Variants in TGM5 observed in about 807,000 individuals in gnomAD.
TGM5 encodes the protein transglutaminase 5.
A neutral mutation model predicts 77.2 loss-of-function variants in TGM5; 69 were observed. The ratio of observed to expected loss-of-function variants is 0.89; its 90% CI spans 0.74 to 1.09. TGM5 has a LOEUF of 1.09. Ranked by LOEUF, TGM5 falls within the 50% of genes least tolerant of loss-of-function variation. The pLI, the probability that TGM5 is intolerant of heterozygous loss-of-function variation, is 0.00. For synonymous variants in TGM5, 346 were observed against 351.8 expected (o/e 0.98, Z 0.18); for missense variants, 842 against 896.5 (o/e 0.94, Z 0.78).
intron 3 of TGM5, among the ~76,000 whole-genome samples, chr15:43,258,150 G>T (rs2042756135): frequency 6.6e-6 from 1 of 151,492 alleles, no homozygotes. Flanking sequence ...AATGGGTGCA[G>T]CACACCAACA....
chr15:43,234,718 C>T (rs780491286), intron 11 of TGM5, 51 bp downstream of exon 11: 4 of 1,612,866 alleles, frequency 2.5e-6, no homozygotes, highest in Middle Eastern at 1.7e-4. Flanking sequence ...TTCACCCCCT[C>T]CCCGCCAGAT....
chr15:43,242,022 C>T (rs1449560965), intron 6 of TGM5, among the ~76,000 whole-genome samples: 1 of 152,278 alleles, frequency 6.6e-6, no homozygotes, highest in East Asian at 1.9e-4. Context: ...AATGACAGTC[C>T]ACTCAATCTA....
chr15:43,263,678 A>G (rs2042805462), intron 1 of TGM5, among the ~76,000 whole-genome samples: 1 of 152,168 alleles, frequency 6.6e-6, no homozygotes, highest in Admixed American at 6.5e-5. Flanking sequence ...TGGATCAAAG[A>G]CCTAAACATA....
intron 1 of TGM5, 103 bp from the exon 2 acceptor site, chr15:43,260,682 G>T: frequency 1.6e-6 from 2 of 1,273,542 alleles, no homozygotes; most frequent in Non-Finnish European, 1.1e-6. Flanking sequence ...CTTAGCTTGA[G>T]CCTCAGTTTC....
At chr15:43,241,076 A>G (rs1181411018) in intron 6 of TGM5, 86 bp from the exon 7 acceptor site, 5 of 1,570,286 alleles carry the variant, frequency 3.2e-6, no homozygotes, top group Non-Finnish European at 4.4e-6. Context: ...GACCTGGGGA[A>G]ATCTTCCATT....
At chr15:43,254,539 C>T (rs2042730275) in intron 4 of TGM5, among the ~76,000 whole-genome samples, 2 of 152,296 alleles carry the variant, frequency 1.3e-5, no homozygotes, top group South Asian at 4.1e-4. Context: ...CAAAGGCCTC[C>T]TACAGCCTAG....
intron 3 of TGM5, among the ~76,000 whole-genome samples, chr15:43,257,942 G>C (rs571138773): frequency 6.6e-6 from 1 of 152,272 alleles, no homozygotes; most frequent in South Asian, 2.1e-4. Flanking sequence ...CATGGATGCA[G>C]CTGGAAACCA....
intron 6 of TGM5, chr15:43,241,246 C>A: frequency 1.9e-6 from 1 of 538,286 alleles, no homozygotes. Context: ...GTCTAGCAAG[C>A]TGTGAGCTCT....
chr15:43,235,680 G>A lies in TGM5; in HGVS notation c.1503C>T (p.Pro501=). The change falls in exon 10 of 13, where the codon CCC becomes CCT. Residue 501 remains proline (P), a synonymous_variant. Coordinates refer to ENST00000220420, the MANE Select transcript of TGM5 (RefSeq NM_201631.4). ...TCAGGGAGACTTGCACCACATCACT[G>A]GGTCGAAGGGAAGGTGTATGCAGGC... is the stretch of plus-strand genomic sequence containing the variant. ...PRSLHTPSLR[P]SDVVQVSLKF... 6.2e-7 allele frequency: 1 copy of A among 1,614,180 alleles called. No individual in the cohort carries two copies. The highest frequency in any genetic ancestry group is 8.5e-7 in the Non-Finnish European group (1 of 1,180,038).
rs772874758 is a variant in TGM5 at position 43,239,187 on chromosome 15, C to T, written c.1081G>A (p.Ala361Thr). 1.2e-5 allele frequency: 20 copies of T among 1,614,024 alleles called. No individual in the cohort carries two copies. The highest frequency in any genetic ancestry group is 4.5e-5 in the East Asian group (2 of 44,892). ...PAYGGWQVLD[A>T]TPQEMSNGVY... ...CCGTTGCTCATCTCCTGAGGTGTGG[C>T]GTCCAGCACCTGCCAGCCTCCATAT... The change falls in exon 8 of 13, where the codon GCC (alanine) becomes ACC (threonine). Residue 361 changes from alanine to threonine, a missense_variant. Transcript: ENST00000220420.
rs2042558055 is a variant in TGM5 at position 43,233,102 on chromosome 15, G to C, written c.*89C>G. ...CTTGCTGGAGCCCTGTGAAGCCTCT[G>C]TTGTGGTGGGGAATGGCGCAGCTTG... On this transcript the variant is annotated 3_prime_UTR_variant, in exon 13 of 13. Coordinates refer to ENST00000220420, the MANE Select transcript of TGM5 (RefSeq NM_201631.4). The C allele has an allele frequency of 1.3e-6, 2 of 1,531,802 alleles. No homozygotes were observed. The highest frequency in any genetic ancestry group is 1.4e-5 in the African/African-American group (1 of 73,230). The allele number at this position is 1,531,802 out of a possible 1,614,324, so 94.9% of individuals were successfully genotyped here. A position where few individuals can be genotyped will look rare whatever the true frequency, so the allele number is the denominator to read the frequency against.
At chr15:43,262,705 A>C (rs1596453071) in intron 1 of TGM5, among the ~76,000 whole-genome samples, 1 of 152,128 alleles carries the variant, frequency 6.6e-6, no homozygotes, top group African/African-American at 2.4e-5. Context: ...AATTGCTTGA[A>C]CCTGGGAGGT....
At chr15:43,263,670 G>A (rs2042805441) in intron 1 of TGM5, among the ~76,000 whole-genome samples, 1 of 151,906 alleles carries the variant, frequency 6.6e-6, no homozygotes, top group South Asian at 2.1e-4. Flanking sequence ...ACTCAAAATG[G>A]ATCAAAGACC....
chr15:43,238,755 C>A, intron 9 of TGM5, 62 bp downstream of exon 9: 1 of 1,598,944 alleles, frequency 6.3e-7, no homozygotes, highest in East Asian at 2.2e-5. Context: ...CTCTGGCTCC[C>A]TGGGGTAGGG....
Position 43,234,797 on chromosome 15 carries a change from GTGA to G in TGM5, c.1844_1846del (p.Ile615del), listed in dbSNP as rs764226693. ...AATCGTGATGCTTGGATAAGATAAG[GTGA>G]TGATCTTGTTCACCAGGATTTTCTC... On this transcript the variant is annotated inframe_deletion, in exon 11 of 13. Transcript: ENST00000220420. The G allele has an allele frequency of 2.9e-5, 47 of 1,614,116 alleles. No individual in the cohort carries two copies. Among genetic ancestry groups the G allele is most frequent in the Non-Finnish European group, 3.7e-5 (44 of 1,180,050 alleles).
rs75796979 is a variant in TGM5 at position 43,241,034 on chromosome 15, C to G, written c.863-44G>C. The G allele has an allele frequency of 1.1e-5, 17 of 1,613,654 alleles. No homozygotes were observed. The African/African-American group carries it at 2.3e-4, about 22-fold the overall frequency. On this transcript the variant is annotated intron_variant, in intron 6 of 12. Coordinates refer to ENST00000220420, the MANE Select transcript of TGM5 (RefSeq NM_201631.4). ...AAAATCACCTGTGAGCTGTAGATTC[C>G]GGACCCGTATATTCCTGGACTTTGG...
rs753612221 is a variant in TGM5, at chr15:43,233,718, G to T, written c.1876-31C>A. ...CAGACCAGGAGGGGAAGGAGAATTA[G>T]TTCTCATTCCCCAACTCACCAGATA... On this transcript the variant is annotated intron_variant, in intron 11 of 12. Coordinates refer to ENST00000220420, the MANE Select transcript of TGM5 (RefSeq NM_201631.4). 21 of 1,612,614 alleles carry T rather than the reference G, an allele frequency of 1.3e-5. No homozygotes were observed. The East Asian group carries it at 4.2e-4, about 33-fold the overall frequency.
chr15:43,245,995 C>T (rs568126023), intron 6 of TGM5, among the ~76,000 whole-genome samples: 30 of 151,976 alleles, frequency 2.0e-4, no homozygotes, highest in African/African-American at 7.0e-4. Context: ...CCTGGACCAA[C>T]AGAGAAAAGA....
chr15:43,250,209 C>A (rs2042694824), intron 6 of TGM5, among the ~76,000 whole-genome samples: 1 of 152,178 alleles, frequency 6.6e-6, no homozygotes, highest in South Asian at 2.1e-4. Context: ...ATAGGTCCCA[C>A]CTCATAAGGT....
Sources: allele counts gnomAD v4.1 joint callset (sites outside exome capture counted in the v4.1 genomes callset), GRCh38; gene constraint gnomAD v4.1.1; transcripts MANE v1.5; gene names NCBI Gene and HGNC (gene_info 2026-07-23, HGNC 2026-07-21).